KIAA0319: variants seen among roughly 807,000 people sequenced by gnomAD.
KIAA0319 encodes the protein KIAA0319, also known as dyslexia-associated protein KIAA0319.
Under a neutral mutation model 108.4 loss-of-function variants are expected in KIAA0319, and 83 were observed. That is an observed-to-expected ratio of 0.77 (90% CI 0.64 to 0.92). The LOEUF is 0.92. KIAA0319 is among the 40% of genes least tolerant of loss of function. The pLI is 0.00. For missense variants in KIAA0319, 1,195 were observed against 1,322.4 expected, an observed-to-expected ratio of 0.90 and a Z score of 1.49; for synonymous variants, 484 against 510.4, an observed-to-expected ratio of 0.95 and a Z score of 0.70.
At chr6:24,617,543 G>C (rs1466796432) in intron 1 of KIAA0319, among the ~76,000 whole-genome samples, 2 of 152,190 alleles carry the variant, frequency 1.3e-5, no homozygotes, top group Non-Finnish European at 2.9e-5. Context: ...AAAGCTGATG[G>C]TGAAGCTGAA....
chr6:24,558,372 G>C (rs199820109), intron 17 of KIAA0319, among the ~76,000 whole-genome samples: 6,344 of 50,232 alleles, frequency 0.13, 279 homozygotes, highest in African/African-American at 0.2. Context: ...TATCTAGATA[G>C]ATAGATAGAT....
chr6:24,541,434 G>A (rs1205713488), downstream of KIAA0319, among the ~76,000 whole-genome samples: 1 of 152,112 alleles, frequency 6.6e-6, no homozygotes, highest in Non-Finnish European at 1.5e-5. Flanking sequence ...TCTCTTTAAA[G>A]GCTCTATCTC....
In KIAA0319 at chr6:24,595,972, C is replaced by A. The variant is rs1449762188; in HGVS notation, c.702G>T (p.Val234=). 6.2e-7 allele frequency: 1 copy of A among 1,614,056 alleles called. No individual in the cohort carries two copies. Among genetic ancestry groups the A allele is most frequent in the Non-Finnish European group, 8.5e-7 (1 of 1,180,038 alleles). Reference sequence around the variant, plus strand: ...ATGGAGTAGTCGGCAAGGGAAGCAACACACTTCTCTCAGGGAGTTTTGGGG... The same window carrying A: ...ATGGAGTAGTCGGCAAGGGAAGCAAAACACTTCTCTCAGGGAGTTTTGGGG... ...TPAPKLPERS[V]LLPLPTTPSS... Residue 234 remains valine (V), a synonymous_variant, in exon 3 of 21, where the codon GTG becomes GTT. Coordinates refer to ENST00000378214, the MANE Select transcript of KIAA0319 (RefSeq NM_014809.4).
At chr6:24,609,015 G>C (rs567679555) in intron 1 of KIAA0319, among the ~76,000 whole-genome samples, 1 of 140,176 alleles carries the variant, frequency 7.1e-6, no homozygotes, top group Non-Finnish European at 1.5e-5. Context: ...TGAGCCAACC[G>C]CTCACAGTTT....
At chr6:24,612,954 A>G (rs1368341369) in intron 1 of KIAA0319, among the ~76,000 whole-genome samples, 1 of 152,044 alleles carries the variant, frequency 6.6e-6, no homozygotes, top group East Asian at 1.9e-4. Context: ...GCCCGCCACC[A>G]CGCCCGACTA....
chr6:24,637,397 C>CA (rs1776338244), intron 1 of KIAA0319, among the ~76,000 whole-genome samples: 1 of 152,228 alleles, frequency 6.6e-6, no homozygotes. Context: ...AATGGTAAGT[C>CA]ATTAGGCATC....
At position 24,564,279 on chromosome 6, in the gene KIAA0319, A is replaced by T. The variant is rs755377473; in HGVS notation, c.2354T>A (p.Val785Glu). 3.7e-6 allele frequency: 6 copies of T among 1,613,694 alleles called. No homozygotes were observed. In the South Asian group the frequency reaches 5.5e-5, roughly 15 times the overall value. ...GGTGACTCGCAAGTGGAAAGTGTAC[A>T]CCCCCTCCACCAGATTCGTAAGCTG... ...ALQLTNLVEG[V>E]YTFHLRVTDS... The change falls in exon 15 of 21, where the codon GTG becomes GAG. Residue 785 changes from valine (V) to glutamate (E), a missense_variant. Transcript: ENST00000378214.
At chr6:24,631,915 C>T (rs1775635613) in intron 1 of KIAA0319, among the ~76,000 whole-genome samples, 1 of 152,208 alleles carries the variant, frequency 6.6e-6, no homozygotes, top group South Asian at 2.1e-4. Context: ...CTTTCTATGT[C>T]AGTGAAAATA....
At chr6:24,634,310 A>G (rs1258530870) in intron 1 of KIAA0319, among the ~76,000 whole-genome samples, 4 of 152,220 alleles carry the variant, frequency 2.6e-5, no homozygotes, top group Non-Finnish European at 5.9e-5. Flanking sequence ...ACCTTGATTC[A>G]AGTGAGTTCT....
At chr6:24,572,454 T>A in intron 11 of KIAA0319, 121 bp downstream of exon 11, 1 of 1,113,364 alleles carries the variant, frequency 9.0e-7, no homozygotes, top group Non-Finnish European at 1.3e-6. Flanking sequence ...GAAATTAGTT[T>A]TATATGGAGC....
chr6:24,635,837 TG>T (rs778667337), intron 1 of KIAA0319, among the ~76,000 whole-genome samples: 8 of 136,638 alleles, frequency 5.9e-5, no homozygotes, highest in Non-Finnish European at 1.0e-4. Flanking sequence ...TGCTAATAAA[TG>T]GGTGTTTTAA....
intron 12 of KIAA0319, 40 bp from the exon 13 acceptor site, chr6:24,568,969 T>C (rs1322930484): frequency 1.4e-5 from 22 of 1,601,594 alleles, no homozygotes; most frequent in Non-Finnish European, 1.9e-5. Context: ...GGAGGGGGCA[T>C]GGGGTTTTGA....
chr6:24,578,192 C>T lies in KIAA0319; in HGVS notation c.1423G>A (p.Gly475Arg), dbSNP rs772701496. The change falls in exon 9 of 21, where the codon GGG becomes AGG. Residue 475 changes from glycine (G) to arginine (R), a missense_variant. Gly to Arg is a moderately radical substitution (Grantham distance 125). Transcript: ENST00000378214. Reference sequence around the variant, plus strand: ...GAAGTCTTCTCTTCTATGAAGGGCCCGTTTATTTCTTCCCAATGATAACTC... The same window carrying T: ...GAAGTCTTCTCTTCTATGAAGGGCCTGTTTATTTCTTCCCAATGATAACTC... ...IVSYHWEEIN[G>R]PFIEEKTSVD... 1.4e-5 allele frequency: 23 copies of T among 1,608,454 alleles called. No individual in the cohort carries two copies. Among genetic ancestry groups the T allele is most frequent in the Admixed American group, 5.0e-5 (3 of 59,896 alleles).
In KIAA0319 at chr6:24,624,780, T is replaced by C. The variant is rs189935801; in HGVS notation, c.-106+20956A>G. Among the ~76,000 whole-genome samples, 19 of 152,334 alleles carry C rather than the reference T, an allele frequency of 1.2e-4. No homozygotes were observed. The South Asian group carries it at 3.7e-3, about 30-fold the overall frequency. ...CCAATGAAATGCATTCAAGTGAGAT[T>C]TGGAAGTCGGACGTGAAGCCCTGAC... is the stretch of plus-strand genomic sequence containing the variant. On this transcript the variant is annotated intron_variant, in intron 1 of 20. Transcript: ENST00000378214.
chr6:24,585,724 A>C (rs1767373747), intron 4 of KIAA0319, among the ~76,000 whole-genome samples: 1 of 152,172 alleles, frequency 6.6e-6, no homozygotes, highest in Admixed American at 6.5e-5. Flanking sequence ...TCCAGTTGTC[A>C]TGCCTTTCTG....
At chr6:24,571,662 T>A (rs1764743999) in intron 11 of KIAA0319, among the ~76,000 whole-genome samples, 2 of 152,064 alleles carry the variant, frequency 1.3e-5, no homozygotes, top group Non-Finnish European at 2.9e-5. Flanking sequence ...TCACAGTAAT[T>A]CCTTTTAAAT....
intron 1 of KIAA0319, among the ~76,000 whole-genome samples, chr6:24,639,471 C>T (rs1051741215): frequency 3.9e-5 from 6 of 152,186 alleles, no homozygotes; most frequent in African/African-American, 1.4e-4. Flanking sequence ...AAGATAAAGA[C>T]TGAGTTTACT....
chr6:24,558,277 A>G (rs971846926), intron 17 of KIAA0319, among the ~76,000 whole-genome samples: 1 of 151,928 alleles, frequency 6.6e-6, no homozygotes, highest in Non-Finnish European at 1.5e-5. Context: ...AAATACCAAA[A>G]AAAAAGAAAA....
intron 1 of KIAA0319, among the ~76,000 whole-genome samples, chr6:24,602,260 G>A (rs1770733915): frequency 6.6e-6 from 1 of 152,122 alleles, no homozygotes; most frequent in African/African-American, 2.4e-5. Flanking sequence ...CAAGTGATCT[G>A]CCCGTCTTGG....
Sources: gnomAD v4.1 joint callset for allele counts (sites outside exome capture counted in the v4.1 genomes callset) on GRCh38, gnomAD v4.1.1 for gene constraint, MANE v1.5 for transcripts, NCBI Gene and HGNC (gene_info 2026-07-23, HGNC 2026-07-21) for gene names.